RNF111: variants seen among roughly 807,000 people sequenced by gnomAD.
RNF111 encodes the protein E3 ubiquitin-protein ligase Arkadia.
In RNF111, 17 loss-of-function variants were observed where a neutral mutation model predicts 95.1. The observed-to-expected ratio is 0.18, with a 90% CI of 0.12 to 0.27. The LOEUF (loss-of-function observed/expected upper bound fraction) is 0.27, where lower values mean the gene tolerates loss of function less well. Among genes scored for constraint, RNF111 ranks in the 10% least tolerant of loss-of-function variants. The probability of loss-of-function intolerance (pLI) is 1.00; values close to 1 mark genes in which losing one functional copy is unlikely to be tolerated. For missense variants in RNF111, 1,189 were observed against 1,210.4 expected, an observed-to-expected ratio of 0.98 and a Z score of 0.26; for synonymous variants, 440 against 414.8, an observed-to-expected ratio of 1.06 and a Z score of -0.74.
chr15:59,089,030 C>T (rs1373740157), intron 10 of RNF111, among the ~76,000 whole-genome samples: 1 of 152,156 alleles, frequency 6.6e-6, no homozygotes, highest in Non-Finnish European at 1.5e-5. Context: ...TCAAATACGG[C>T]AGAGCCCTGT....
At position 59,094,988 on chromosome 15, in the gene RNF111, A is replaced by G; in HGVS notation, c.*88A>G. The G allele has an allele frequency of 2.1e-5, 17 of 812,664 alleles. No individual in the cohort carries two copies. Among genetic ancestry groups the G allele is most frequent in the Non-Finnish European group, 3.5e-5 (16 of 460,436 alleles). The allele number at this position is 812,664 out of a possible 1,614,324, so 50.3% of individuals were successfully genotyped here. On this transcript the variant is annotated 3_prime_UTR_variant, in exon 14 of 14. Coordinates refer to ENST00000348370, the MANE Select transcript of RNF111 (RefSeq NM_017610.8). ...CAAAGATGGCATGACTTACCTGCGC[A>G]GATTTGGAAGCATTGAACTTAGAGT...
rs1401054848 is a variant in RNF111 at position 59,092,569 on chromosome 15, A to G, written c.2772A>G (p.Glu924=). Residue 924 remains glutamate, a synonymous_variant, in exon 13 of 14, where the codon GAA becomes GAG. Coordinates refer to ENST00000348370, the MANE Select transcript of RNF111 (RefSeq NM_017610.8). ...TGCACTGCAAACAAGATGGGGAAGAAGGGACTGAGGAAGACACAGAGGAAA... is the reference window on the plus strand; with the variant it reads ...TGCACTGCAAACAAGATGGGGAAGAGGGGACTGAGGAAGACACAGAGGAAA... The part of the protein sequence containing the change: ...RKLHCKQDGE[E]GTEEDTEEKC... 4 of 1,612,884 alleles carry G rather than the reference A, an allele frequency of 2.5e-6. No individual in the cohort carries two copies. Among genetic ancestry groups the G allele is most frequent in the Non-Finnish European group, 3.4e-6 (4 of 1,179,184 alleles).
chr15:59,005,300 C>T lies in RNF111; in HGVS notation c.-20+17232C>T, dbSNP rs187081735. ...GCATGAAGTGCTGGGATTACAGGCA[C>T]GAGCCACTGCACCCAGCCTCTAGAA... On this transcript the variant is annotated intron_variant, in intron 1 of 13. Coordinates refer to ENST00000348370, the MANE Select transcript of RNF111 (RefSeq NM_017610.8). Among the ~76,000 whole-genome samples the T allele has an allele frequency of 3.3e-4, 50 of 152,002 alleles. No individual in the cohort carries two copies. In the East Asian group the frequency reaches 8.3e-3, roughly 25 times the overall value.
chr15:59,002,933 C>G (rs1472637119), intron 1 of RNF111, among the ~76,000 whole-genome samples: 2 of 152,108 alleles, frequency 1.3e-5, no homozygotes, highest in African/African-American at 4.8e-5. Flanking sequence ...ATGTCTTTAG[C>G]TTCTTAGAGA....
intron 2 of RNF111, among the ~76,000 whole-genome samples, chr15:59,037,610 G>A (rs1202334371): frequency 1.3e-5 from 2 of 152,288 alleles, no homozygotes; most frequent in East Asian, 3.9e-4. Context: ...GCCAAGGCAG[G>A]TGGATCACCT....
chr15:59,065,636 C>G (rs1482941364), intron 5 of RNF111, among the ~76,000 whole-genome samples: 5 of 152,160 alleles, frequency 3.3e-5, no homozygotes, highest in African/African-American at 1.2e-4. Flanking sequence ...CTTTAAAGCA[C>G]ATTTTATTTT....
Position 59,057,121 on chromosome 15 carries a change from A to G in RNF111, c.1172-1235A>G, listed in dbSNP as rs546694588. Reference sequence around the variant, plus strand: ...GTGATATTTGGCAATGTCTGCAGACATTTTTGGTTTTCACAGTTAGGGGAG... The same window carrying G: ...GTGATATTTGGCAATGTCTGCAGACGTTTTTGGTTTTCACAGTTAGGGGAG... On this transcript the variant is annotated intron_variant, in intron 4 of 13. Transcript: ENST00000348370. Among the ~76,000 whole-genome samples the G allele has an allele frequency of 2.0e-5, 3 of 152,260 alleles. No homozygotes were observed. The South Asian group carries it at 6.2e-4, about 32-fold the overall frequency.
rs769030367 is a variant in RNF111 at position 59,031,379 on chromosome 15, G to A, written c.557G>A (p.Arg186Gln). 5.0e-6 allele frequency: 8 copies of A among 1,613,996 alleles called. No individual in the cohort carries two copies. Among genetic ancestry groups the A allele is most frequent in the East Asian group, 4.5e-5 (2 of 44,900 alleles). ...SHSARSHKWP[R>Q]TETESVSGLL... Reference sequence around the variant, plus strand: ...AGTGCACGGTCTCATAAGTGGCCTCGGACTGAGACAGAATCTGTATCGGGA... The same window carrying A: ...AGTGCACGGTCTCATAAGTGGCCTCAGACTGAGACAGAATCTGTATCGGGA... Residue 186 changes from arginine to glutamine, a missense_variant, in exon 2 of 14, where the codon CGG becomes CAG. Physicochemically the swap from Arg to Gln is conservative, Grantham distance 43. This residue lies in a region of RNF111 where 1,024 missense variants were observed against 925.9 expected (regional missense o/e 1.11). Transcript: ENST00000348370.
chr15:59,096,820 T>G lies in RNF111; in HGVS notation c.*1920T>G, dbSNP rs1454649712. On this transcript the variant is annotated 3_prime_UTR_variant, in exon 14 of 14. Transcript: ENST00000348370. The stretch of plus-strand genomic sequence containing the variant: ...TACTTTGCCACTGGAATACCCCGGG[T>G]CTGTGCCAAGGGACTGAAGAAGTGT... 3.3e-5 allele frequency: 5 copies of G among 152,192 alleles called. No individual in the cohort carries two copies. Among genetic ancestry groups the G allele is most frequent in the Non-Finnish European group, 7.3e-5 (5 of 68,032 alleles). 9.4% of individuals were successfully genotyped at this position (152,192 alleles called of 1,614,324 possible).
intron 1 of RNF111, among the ~76,000 whole-genome samples, chr15:59,028,390 T>C (rs76812320): frequency 1.3e-5 from 2 of 152,270 alleles, no homozygotes; most frequent in Admixed American, 1.3e-4. Flanking sequence ...GTTTTTTTTT[T>C]CATATACCTA....
chr15:59,083,724 T>C (rs1251533641), intron 8 of RNF111, among the ~76,000 whole-genome samples: 1 of 152,230 alleles, frequency 6.6e-6, no homozygotes, highest in African/African-American at 2.4e-5. Context: ...CAATGTGTCC[T>C]GCTTTAATGT....
At chr15:59,089,553 A>C (rs1341442340) in intron 10 of RNF111, 114 bp from the exon 11 acceptor site, 14 of 802,968 alleles carry the variant, frequency 1.7e-5, no homozygotes, top group Non-Finnish European at 2.7e-5. Context: ...ATTGAAGTCA[A>C]ATTTTATGAG....
At chr15:58,988,894 C>A (rs1009270491) in intron 1 of RNF111, among the ~76,000 whole-genome samples, 1 of 152,130 alleles carries the variant, frequency 6.6e-6, no homozygotes, top group Non-Finnish European at 1.5e-5. Flanking sequence ...ACATAGACTA[C>A]GTTTTGTAGG....
At position 59,085,798 on chromosome 15, in the gene RNF111, A is replaced by T. The variant is rs746740966; in HGVS notation, c.2550+13A>T. The stretch of plus-strand genomic sequence containing the variant: ...TCTTCCTTTAATGGTAAAATGGAAA[A>T]TTTTCAAAATTTTGACATGTTCTAA... On this transcript the variant is annotated intron_variant, in intron 10 of 13. Transcript: ENST00000348370. The T allele has an allele frequency of 1.2e-6, 2 of 1,609,468 alleles. No individual in the cohort carries two copies. Among genetic ancestry groups the T allele is most frequent in the Non-Finnish European group, 1.7e-6 (2 of 1,177,528 alleles).
chr15:59,004,921 T>C (rs2039471399), intron 1 of RNF111, among the ~76,000 whole-genome samples: 1 of 152,228 alleles, frequency 6.6e-6, no homozygotes, highest in African/African-American at 2.4e-5. Flanking sequence ...TGAGAGACAC[T>C]TGGGAAGTGA....
chr15:59,052,867 G>C (rs1468762883), intron 3 of RNF111, among the ~76,000 whole-genome samples: 4 of 152,122 alleles, frequency 2.6e-5, no homozygotes, highest in Non-Finnish European at 4.4e-5. Flanking sequence ...AGAGTTAAGA[G>C]TTAATGCTCT....
At chr15:59,036,497 A>G (rs546044844) in intron 2 of RNF111, among the ~76,000 whole-genome samples, 52 of 152,342 alleles carry the variant, frequency 3.4e-4, no homozygotes, top group African/African-American at 1.2e-3. Flanking sequence ...GAGCTTGTGC[A>G]AGGAACTTGG....
chr15:59,080,410 C>A (rs1346144384), intron 7 of RNF111, among the ~76,000 whole-genome samples: 1 of 152,116 alleles, frequency 6.6e-6, no homozygotes, highest in Non-Finnish European at 1.5e-5. Context: ...GTGTGAGCCA[C>A]GGTGCCTGGC....
intron 1 of RNF111, among the ~76,000 whole-genome samples, chr15:59,013,811 A>G (rs2039939370): frequency 6.6e-6 from 1 of 151,754 alleles, no homozygotes; most frequent in Non-Finnish European, 1.5e-5. Context: ...TTTTGGAGAC[A>G]AGAGTCTCAC....
Sources: gnomAD v4.1 joint callset for allele counts (sites outside exome capture counted in the v4.1 genomes callset) on GRCh38, gnomAD v4.1.1 for gene constraint, gnomAD v4.1.1 regional missense constraint, MANE v1.5 for transcripts, NCBI Gene and HGNC (gene_info 2026-07-23, HGNC 2026-07-21) for gene names.